Variants in DPP10 observed in about 807,000 individuals in gnomAD.
DPP10 encodes dipeptidyl peptidase like 10.
In DPP10, 33 loss-of-function variants were observed where a neutral mutation model predicts 120.9. The ratio of observed to expected loss-of-function variants is 0.27; its 90% CI spans 0.21 to 0.37. The LOEUF is 0.37. Among genes scored for constraint, DPP10 ranks in the 10% least tolerant of loss-of-function variants. DPP10 has a pLI of 1.00. For missense variants in DPP10, 816 were observed against 942.8 expected (o/e 0.87, Z 1.76); for synonymous variants, 337 against 326.1 (o/e 1.03, Z -0.36).
chr2:114,500,150 G>T lies in DPP10; in HGVS notation c.60+57312G>T, dbSNP rs565995001. Among the ~76,000 whole-genome samples the T allele has an allele frequency of 2.6e-5, 4 of 152,340 alleles. No homozygotes were observed. The East Asian group carries it at 7.7e-4, about 29-fold the overall frequency. On this transcript the variant is annotated intron_variant, in intron 1 of 25. Transcript: ENST00000410059. Reference sequence around the variant, plus strand: ...GAGAGATCCTGAAAGCAGAGAATATGCCTTAGCCACTGCTGAATTTCTAGA... The same window carrying T: ...GAGAGATCCTGAAAGCAGAGAATATTCCTTAGCCACTGCTGAATTTCTAGA...
At chr2:115,518,547 G>A (rs1234583512) in intron 4 of DPP10, among the ~76,000 whole-genome samples, 1 of 151,646 alleles carries the variant, frequency 6.6e-6, no homozygotes, top group Non-Finnish European at 1.5e-5. Context: ...CCTTCTTTTT[G>A]TAAATATGGG....
At chr2:114,946,076 C>A (rs988418037) in intron 1 of DPP10, among the ~76,000 whole-genome samples, 4 of 152,098 alleles carry the variant, frequency 2.6e-5, no homozygotes, top group Non-Finnish European at 5.9e-5. Context: ...CCAAGAAGAA[C>A]CTGAAAAGAC....
chr2:114,818,221 T>C (rs1009596388), intron 1 of DPP10, among the ~76,000 whole-genome samples: 1 of 152,114 alleles, frequency 6.6e-6, no homozygotes, highest in African/African-American at 2.4e-5. Flanking sequence ...TCAATAAAAA[T>C]GAAATCTCTC....
At chr2:115,261,523 T>A (rs569028687) in intron 1 of DPP10, among the ~76,000 whole-genome samples, 1 of 152,300 alleles carries the variant, frequency 6.6e-6, no homozygotes, top group African/African-American at 2.4e-5. Flanking sequence ...ATAATCCAAT[T>A]TATCACTTGC....
At chr2:115,724,205 C>G (rs1451554912) in intron 7 of DPP10, among the ~76,000 whole-genome samples, 2 of 152,090 alleles carry the variant, frequency 1.3e-5, no homozygotes, top group Non-Finnish European at 2.9e-5. Context: ...ACTTTAATAT[C>G]AAATTTTCAT....
intron 1 of DPP10, among the ~76,000 whole-genome samples, chr2:114,776,780 G>A (rs966529060): frequency 6.6e-6 from 1 of 152,084 alleles, no homozygotes; most frequent in African/African-American, 2.4e-5. Context: ...CAGATTATAA[G>A]AATTGATGAG....
intron 7 of DPP10, among the ~76,000 whole-genome samples, chr2:115,692,298 TGATG>T (rs2091362694): frequency 6.6e-6 from 1 of 151,994 alleles, no homozygotes; most frequent in African/African-American, 2.4e-5. Context: ...GCTTTTTATG[TGATG>T]GATAATTTTA....
intron 2 of DPP10, among the ~76,000 whole-genome samples, chr2:115,320,913 C>A (rs921328041): frequency 6.6e-6 from 1 of 152,094 alleles, no homozygotes; most frequent in Non-Finnish European, 1.5e-5. Context: ...TGCAAACTCC[C>A]TCAGCTTTCC....
chr2:114,738,242 A>G (rs770336432), intron 1 of DPP10, among the ~76,000 whole-genome samples: 1 of 152,220 alleles, frequency 6.6e-6, no homozygotes, highest in African/African-American at 2.4e-5. Context: ...GAGTGGGAAC[A>G]TGGAGCCAAA....
chr2:115,557,939 G>A (rs576005513), intron 5 of DPP10, among the ~76,000 whole-genome samples: 1 of 152,254 alleles, frequency 6.6e-6, no homozygotes, highest in South Asian at 2.1e-4. Flanking sequence ...ACATTATCTG[G>A]TACAAAACAC....
chr2:115,232,517 C>A (rs1267172545), intron 1 of DPP10, among the ~76,000 whole-genome samples: 2 of 152,168 alleles, frequency 1.3e-5, no homozygotes, highest in Non-Finnish European at 2.9e-5. Flanking sequence ...TTTGATTTCA[C>A]TACTTCCTTG....
chr2:115,321,700 C>T (rs2106107213), intron 2 of DPP10, among the ~76,000 whole-genome samples: 1 of 151,956 alleles, frequency 6.6e-6, no homozygotes, highest in Non-Finnish European at 1.5e-5. Flanking sequence ...GTGTCTTAGG[C>T]TTTGCTCATT....
At chr2:114,928,376 T>G (rs1282180514) in intron 1 of DPP10, among the ~76,000 whole-genome samples, 1 of 152,184 alleles carries the variant, frequency 6.6e-6, no homozygotes, top group African/African-American at 2.4e-5. Context: ...AAGAAAGGGA[T>G]AACAGGCCCC....
chr2:115,632,615 G>C (rs926846121), intron 5 of DPP10, among the ~76,000 whole-genome samples: 1 of 152,146 alleles, frequency 6.6e-6, no homozygotes, highest in African/African-American at 2.4e-5. Context: ...AGTTTGGCCA[G>C]ATGTGAAATT....
intron 1 of DPP10, among the ~76,000 whole-genome samples, chr2:115,024,073 A>G (rs1172405864): frequency 6.6e-6 from 1 of 152,090 alleles, no homozygotes; most frequent in Non-Finnish European, 1.5e-5. Flanking sequence ...TGCTTGGGTG[A>G]TGGGTGCACC....
intron 1 of DPP10, among the ~76,000 whole-genome samples, chr2:114,557,046 A>C (rs1688377571): frequency 6.7e-6 from 1 of 150,248 alleles, no homozygotes; most frequent in South Asian, 2.1e-4. Context: ...AAGTAGAGAA[A>C]AGTGCTATTT....
chr2:115,632,670 CA>C (rs2085975463), intron 5 of DPP10, among the ~76,000 whole-genome samples: 1 of 152,114 alleles, frequency 6.6e-6, no homozygotes, highest in Non-Finnish European at 1.5e-5. Context: ...AAAATTTTTA[CA>C]ATCTACCCAT....
Position 114,935,476 on chromosome 2 carries a change from C to T in DPP10, c.61-373763C>T, listed in dbSNP as rs80048122. Among the ~76,000 whole-genome samples, 1,339 of 152,224 alleles carry T rather than the reference C, an allele frequency of 8.8e-3. 14 individuals carry two copies. Among genetic ancestry groups the T allele is most frequent in the African/African-American group, 0.031 (1,270 of 41,548 alleles). On this transcript the variant is annotated intron_variant, in intron 1 of 25. Transcript: ENST00000410059. The stretch of plus-strand genomic sequence containing the variant: ...ATGTTATGTGTAAGTAGTATTGTCC[C>T]TTTGCAATTTTCATCTATCAGAATT...
chr2:115,780,923 A>C lies in DPP10; in HGVS notation c.1411A>C (p.Met471Leu). 1 of 1,604,934 alleles carries C rather than the reference A, an allele frequency of 6.2e-7. No individual in the cohort carries two copies. The highest frequency in any genetic ancestry group is 8.5e-7 in the Non-Finnish European group (1 of 1,174,028). Residue 471 changes from methionine (M) to leucine (L), a missense_variant, in exon 16 of 26, where the codon ATG (methionine) becomes CTG (leucine). By Grantham distance (15) the Met-to-Leu change is conservative. Transcript: ENST00000410059. Reference sequence around the variant, plus strand: ...TCGCCAATGCATTTCATGTAATTTCATGAAAGAACAATGTACATATTTTGA... The same window carrying C: ...TCGCCAATGCATTTCATGTAATTTCCTGAAAGAACAATGTACATATTTTGA... ...LNRQCISCNF[M>L]KEQCTYFDAS...
Sources: allele counts gnomAD v4.1 joint callset (sites outside exome capture counted in the v4.1 genomes callset), GRCh38; gene constraint gnomAD v4.1.1; transcripts MANE v1.5; gene names NCBI Gene and HGNC (gene_info 2026-07-23, HGNC 2026-07-21).